Variants in LGMN observed in about 807,000 individuals in gnomAD.
The protein encoded by LGMN is asparaginyl endopeptidase.
In LGMN, 36 loss-of-function variants were observed where a neutral mutation model predicts 56.8. The observed-to-expected ratio is 0.63, with a 90% CI of 0.49 to 0.84. The LOEUF (loss-of-function observed/expected upper bound fraction) is 0.84. Ranked by LOEUF, LGMN falls within the 40% of genes least tolerant of loss-of-function variation. The pLI is 0.00. For synonymous variants in LGMN, 199 were observed against 210.1 expected (o/e 0.95, Z 0.46); for missense variants, 446 against 556.1 (o/e 0.80, Z 1.99).
Position 92,704,049 on chromosome 14 carries a change from G to C in LGMN, c.*270C>G. 1.4e-6 allele frequency: 1 copy of C among 699,602 alleles called. No individual in the cohort carries two copies. Among genetic ancestry groups the C allele is most frequent in the Non-Finnish European group, 2.6e-6 (1 of 384,258 alleles). The allele number at this position is 699,602 out of a possible 1,614,324, so 43.3% of individuals were successfully genotyped here. On this transcript the variant is annotated 3_prime_UTR_variant, in exon 14 of 14. Coordinates refer to ENST00000334869, the MANE Select transcript of LGMN (RefSeq NM_005606.7). ...AGCTTCCTGCTCCTCAAAACTAACAGGCAAAACAACAAACCTCCTAGAAAG... is the reference window on the plus strand; with the variant it reads ...AGCTTCCTGCTCCTCAAAACTAACACGCAAAACAACAAACCTCCTAGAAAG...
intron 3 of LGMN, among the ~76,000 whole-genome samples, chr14:92,718,168 A>AT (rs1248011604): frequency 6.6e-6 from 1 of 152,174 alleles, no homozygotes; most frequent in Admixed American, 6.5e-5. Context: ...ATAGAATCCA[A>AT]CAAGTCCTCG....
chr14:92,709,968 G>T, intron 10 of LGMN, 96 bp from the exon 11 acceptor site: 1 of 974,036 alleles, frequency 1.0e-6, no homozygotes, highest in Non-Finnish European at 1.5e-6. Flanking sequence ...GTTTGAGTGG[G>T]AGGAGCAGAG....
rs1349141480 is a variant in LGMN, at chr14:92,704,190, G to A, written c.*129C>T. ...CATCTTGTGAAGAAGGTCCTGGAGC[G>A]AGCCCTGGAGCGGGGGCTCCCCAGG... On this transcript the variant is annotated 3_prime_UTR_variant, in exon 14 of 14. Transcript: ENST00000334869. The A allele has an allele frequency of 4.4e-6, 5 of 1,132,020 alleles. No homozygotes were observed. Among genetic ancestry groups the A allele is most frequent in the African/African-American group, 1.8e-5 (1 of 55,094 alleles). 70.1% of individuals were successfully genotyped at this position (1,132,020 alleles called of 1,614,324 possible).
At chr14:92,732,516 C>T in intron 2 of LGMN, 133 bp downstream of exon 2, 1 of 957,156 alleles carries the variant, frequency 1.0e-6, no homozygotes, top group Non-Finnish European at 1.6e-6. Flanking sequence ...CTCGCTAACA[C>T]ACCTATGTTA....
chr14:92,707,540 G>A (rs1009007926), intron 11 of LGMN, among the ~76,000 whole-genome samples: 2 of 152,214 alleles, frequency 1.3e-5, no homozygotes, highest in Admixed American at 1.3e-4. Context: ...GGATCCAGCT[G>A]TCGTCTAGCA....
intron 2 of LGMN, among the ~76,000 whole-genome samples, chr14:92,732,140 TCA>T (rs1284509758): frequency 1.3e-5 from 2 of 152,160 alleles, no homozygotes; most frequent in Non-Finnish European, 2.9e-5. Context: ...TCTCTAGGCC[TCA>T]GTTTCCTTAT....
intron 1 of LGMN, among the ~76,000 whole-genome samples, chr14:92,746,098 G>C (rs761817091): frequency 5.3e-5 from 8 of 152,110 alleles, no homozygotes; most frequent in Non-Finnish European, 8.8e-5. Context: ...TGCGATTACA[G>C]GCACGAGCCA....
chr14:92,744,363 GCAAATGCATGTTAC>G (rs1157915366), intron 1 of LGMN, among the ~76,000 whole-genome samples: 1 of 152,028 alleles, frequency 6.6e-6, no homozygotes, highest in Non-Finnish European at 1.5e-5. Flanking sequence ...GTCTAGACAG[GCAAATGCATGTTAC>G]CAAATGTAGG....
At chr14:92,706,796 G>T in intron 11 of LGMN, 143 bp from the exon 12 acceptor site, 1 of 708,194 alleles carries the variant, frequency 1.4e-6, no homozygotes, top group Non-Finnish European at 2.0e-6. Flanking sequence ...CAATCAATGT[G>T]CTCCGAGAAA....
At position 92,709,890 on chromosome 14, in the gene LGMN, AAGAGAGAGCGAGAGAGAAAGCG is replaced by A. The variant is rs749364647; in HGVS notation, c.820-40_820-19del. ...GAGATTGTCTGGGGAGACAGACAGC[AAGAGAGAGCGAGAGAGAAAGCG>A]AGAGAGAGTGAGAGAAGGCCAGAGA... On this transcript the variant is annotated intron_variant, in intron 10 of 13. Transcript: ENST00000334869. 18 of 1,573,076 alleles carry A rather than the reference AAGAGAGAGCGAGAGAGAAAGCG, an allele frequency of 1.1e-5. No individual in the cohort carries two copies. In the South Asian group the frequency reaches 1.4e-4, roughly 12 times the overall value.
rs1889432806 is a variant in LGMN, at chr14:92,706,470, C to T, written c.1191+13G>A. The T allele has an allele frequency of 6.6e-7, 1 of 1,506,096 alleles. No individual in the cohort carries two copies. The highest frequency in any genetic ancestry group is 1.4e-5 in the African/African-American group (1 of 72,486). The allele number at this position is 1,506,096 out of a possible 1,614,324, so 93.3% of individuals were successfully genotyped here. On this transcript the variant is annotated intron_variant, in intron 12 of 13. Transcript: ENST00000334869. ...TTCTGGATTCTGGTCATGGGGAGAG[C>T]CTGCTGGCTCACCGTGGGGGAGTGC...
In LGMN at chr14:92,720,802, C is replaced by T. The variant is rs74595102; in HGVS notation, c.139-1958G>A. ...AAGGGTTATTAAGATAGCGGATGGA[C>T]TTAAGGTTGCCAATCAGCTGGTCTT... On this transcript the variant is annotated intron_variant, in intron 2 of 13. Transcript: ENST00000334869. 7.0e-3 allele frequency among the ~76,000 whole-genome samples: 1,070 copies of T among 152,340 alleles called. 11 individuals are homozygous for T. Among genetic ancestry groups the T allele is most frequent in the African/African-American group, 0.024 (1,012 of 41,574 alleles).
chr14:92,741,891 T>C (rs1891572728), intron 1 of LGMN: 1 of 151,928 alleles, frequency 6.6e-6, no homozygotes, highest in Non-Finnish European at 1.5e-5. Flanking sequence ...TCCTGCAAGG[T>C]TTTTCGGCTG....
intron 2 of LGMN, among the ~76,000 whole-genome samples, chr14:92,721,844 T>C (rs1890495122): frequency 6.6e-6 from 1 of 152,058 alleles, no homozygotes; most frequent in East Asian, 1.9e-4. Flanking sequence ...ACCCAAGAAG[T>C]GCAAACCCCA....
At chr14:92,747,433 T>C (rs992266771) in intron 1 of LGMN, among the ~76,000 whole-genome samples, 1 of 152,102 alleles carries the variant, frequency 6.6e-6, no homozygotes, top group Non-Finnish European at 1.5e-5. Context: ...GAGGTTGCAG[T>C]GAGCCGAGAT....
At chr14:92,748,315 G>A (rs533554353) in intron 1 of LGMN, among the ~76,000 whole-genome samples, 174 bp downstream of exon 1, 1 of 152,216 alleles carries the variant, frequency 6.6e-6, no homozygotes, top group East Asian at 1.9e-4. Flanking sequence ...CCCTTCCCTC[G>A]GGATTCACTG....
intron 2 of LGMN, among the ~76,000 whole-genome samples, chr14:92,723,455 A>C (rs748665337): frequency 2.0e-5 from 3 of 152,230 alleles, no homozygotes; most frequent in Admixed American, 6.5e-5. Context: ...TAAAAATTGG[A>C]AACAACCCAA....
intron 2 of LGMN, among the ~76,000 whole-genome samples, chr14:92,720,017 C>T (rs1330134482): frequency 6.6e-6 from 1 of 152,198 alleles, no homozygotes; most frequent in Non-Finnish European, 1.5e-5. Flanking sequence ...AAAACTAAAG[C>T]TCATAAAACA....
At chr14:92,719,290 GCCGCCGCCGCCA>G (rs1566924472) in intron 2 of LGMN, among the ~76,000 whole-genome samples, 3 of 32,204 alleles carry the variant, frequency 9.3e-5, no homozygotes, top group African/African-American at 1.5e-4. Flanking sequence ...CGCCGCCGCC[GCCGCCGCCGCCA>G]CCGCCGCCAC....
Sources: gnomAD v4.1 joint callset for allele counts (sites outside exome capture counted in the v4.1 genomes callset) on GRCh38, gnomAD v4.1.1 for gene constraint, MANE v1.5 for transcripts, NCBI Gene and HGNC (gene_info 2026-07-23, HGNC 2026-07-21) for gene names.